RAD51B: variants seen among roughly 807,000 people sequenced by gnomAD.
RAD51B encodes the protein DNA repair protein RAD51 homolog 2.
Under a neutral mutation model 42.2 loss-of-function variants are expected in RAD51B, and 38 were observed. The ratio of observed to expected loss-of-function variants is 0.90; its 90% confidence interval spans 0.70 to 1.18. RAD51B has a LOEUF of 1.18. RAD51B is among the 50% of genes most tolerant of loss of function. The probability of loss-of-function intolerance (pLI) is 0.00; values close to 1 mark genes in which losing one functional copy is unlikely to be tolerated. For missense variants in RAD51B, 373 were observed against 400.7 expected (o/e 0.93, Z 0.59); for synonymous variants, 154 against 145.2 (o/e 1.06, Z -0.43).
chr14:67,991,899 A>C (rs2075302363), intron 7 of RAD51B, among the ~76,000 whole-genome samples: 3 of 152,182 alleles, frequency 2.0e-5, no homozygotes, highest in Admixed American at 2.0e-4. Flanking sequence ...CAAGTTTATA[A>C]TATAATATAT....
At chr14:68,389,245 C>T (rs75556326) in intron 8 of RAD51B, among the ~76,000 whole-genome samples, 3 of 152,136 alleles carry the variant, frequency 2.0e-5, no homozygotes, top group Non-Finnish European at 4.4e-5. Context: ...TAATAGCGCC[C>T]ATGGAAGCTC....
At chr14:68,395,507 C>T (rs1270750010) in intron 8 of RAD51B, among the ~76,000 whole-genome samples, 1 of 152,154 alleles carries the variant, frequency 6.6e-6, no homozygotes, top group Non-Finnish European at 1.5e-5. Flanking sequence ...AGAAGGAATC[C>T]TCCCTTTCCT....
At chr14:67,939,480 A>G (rs2045082238) in intron 7 of RAD51B, among the ~76,000 whole-genome samples, 2 of 152,228 alleles carry the variant, frequency 1.3e-5, no homozygotes, top group African/African-American at 4.8e-5. Flanking sequence ...TTCTTTAAAA[A>G]AAGGCAAGAG....
chr14:68,428,182 T>A (rs1188534882), intron 9 of RAD51B, among the ~76,000 whole-genome samples: 1 of 152,176 alleles, frequency 6.6e-6, no homozygotes, highest in African/African-American at 2.4e-5. Context: ...GTCTGTGGTA[T>A]TCAGTTATAG....
At chr14:68,468,802 G>A (rs1009811430) in intron 10 of RAD51B, among the ~76,000 whole-genome samples, 3 of 152,142 alleles carry the variant, frequency 2.0e-5, no homozygotes, top group African/African-American at 2.4e-5. Context: ...ACCTTGTGAC[G>A]TGAGCCCAGG....
chr14:68,025,755 C>T (rs559011965), intron 7 of RAD51B, among the ~76,000 whole-genome samples: 6 of 151,868 alleles, frequency 4.0e-5, no homozygotes, highest in African/African-American at 1.4e-4. Flanking sequence ...TTTGATCTCT[C>T]TCTTTTTTGT....
chr14:67,965,275 C>T (rs900712825), intron 7 of RAD51B, among the ~76,000 whole-genome samples: 2 of 152,166 alleles, frequency 1.3e-5, no homozygotes, highest in African/African-American at 4.8e-5. Flanking sequence ...TCTTCACAAC[C>T]AATCTGTCAA....
intron 8 of RAD51B, among the ~76,000 whole-genome samples, chr14:68,300,171 TG>T (rs1384794940): frequency 6.6e-6 from 1 of 152,196 alleles, no homozygotes; most frequent in Non-Finnish European, 1.5e-5. Flanking sequence ...TAAGTAGGAC[TG>T]TGTAGCTCTG....
intron 7 of RAD51B, among the ~76,000 whole-genome samples, chr14:67,984,900 A>G (rs1236226197): frequency 6.6e-6 from 1 of 152,232 alleles, no homozygotes; most frequent in Non-Finnish European, 1.5e-5. Flanking sequence ...GTACCCAAAT[A>G]GAAAGTGTAA....
At chr14:68,532,524 A>G (rs1022601150) in intron 10 of RAD51B, among the ~76,000 whole-genome samples, 1 of 152,218 alleles carries the variant, frequency 6.6e-6, no homozygotes, top group South Asian at 2.1e-4. Context: ...TGAAAGTTGA[A>G]TCAAGAATAA....
At chr14:68,658,645 C>G (rs1892870119) in intron 11 of RAD51B, among the ~76,000 whole-genome samples, 2 of 152,202 alleles carry the variant, frequency 1.3e-5, no homozygotes, top group Non-Finnish European at 2.9e-5. Context: ...GTTCAGTCAC[C>G]TACAGAAAGT....
intron 10 of RAD51B, among the ~76,000 whole-genome samples, chr14:68,504,678 T>TTC (rs1272219285): frequency 6.8e-6 from 1 of 147,180 alleles, no homozygotes; most frequent in Non-Finnish European, 1.5e-5. Context: ...TTTTTTTTTT[T>TTC]TTTTTTTTTG....
At chr14:68,418,247 A>T (rs1264637075) in intron 9 of RAD51B, among the ~76,000 whole-genome samples, 2 of 152,246 alleles carry the variant, frequency 1.3e-5, no homozygotes, top group Non-Finnish European at 2.9e-5. Context: ...GGAAGAATAC[A>T]TGTATTGATA....
At chr14:68,046,783 G>A (rs1361459761) in intron 7 of RAD51B, among the ~76,000 whole-genome samples, 1 of 151,718 alleles carries the variant, frequency 6.6e-6, no homozygotes, top group African/African-American at 2.4e-5. Context: ...GTATAAAATG[G>A]GACTAACTAT....
At chr14:68,538,628 G>C (rs1280729020) in intron 10 of RAD51B, among the ~76,000 whole-genome samples, 1 of 149,142 alleles carries the variant, frequency 6.7e-6, no homozygotes, top group Non-Finnish European at 1.5e-5. Flanking sequence ...CTAGCACACC[G>C]CTTTTTTTTT....
At chr14:68,419,984 T>C (rs567720362) in intron 9 of RAD51B, among the ~76,000 whole-genome samples, 22 of 152,332 alleles carry the variant, frequency 1.4e-4, no homozygotes, top group Non-Finnish European at 2.4e-4. Context: ...AGTTAGCCTT[T>C]ACTGAGTACC....
intron 10 of RAD51B, among the ~76,000 whole-genome samples, chr14:68,534,386 C>G (rs1275700543): frequency 6.6e-6 from 1 of 152,054 alleles, no homozygotes; most frequent in Admixed American, 6.5e-5. Context: ...GACAGCAATT[C>G]AGTGGGAGAA....
chr14:68,101,161 C>T (rs1226767663), intron 7 of RAD51B, among the ~76,000 whole-genome samples: 2 of 152,150 alleles, frequency 1.3e-5, no homozygotes, highest in East Asian at 3.8e-4. Context: ...AATTACCTCC[C>T]ACCAGGTCCC....
rs376163418 is a variant in RAD51B, at chr14:68,259,564, C to CT, written c.757-32312dup. Among the ~76,000 whole-genome samples the CT allele has an allele frequency of 7.9e-5, 12 of 151,976 alleles. 1 individual carries two copies. The highest frequency in any genetic ancestry group is 2.2e-4 in the African/African-American group (9 of 41,484). On this transcript the variant is annotated intron_variant, in intron 7 of 10. Transcript: ENST00000471583. ...TGTAATTTAACAAGATGGCATTTAT[C>CT]TTTTTTTTAAGAGACTGAAGAAGAA... is the stretch of plus-strand genomic sequence containing the variant.
Sources: allele counts gnomAD v4.1 joint callset (sites outside exome capture counted in the v4.1 genomes callset), GRCh38; gene constraint gnomAD v4.1.1; transcripts MANE v1.5; gene names NCBI Gene and HGNC (gene_info 2026-07-23, HGNC 2026-07-21).